ZDHHC11: variants seen among roughly 807,000 people sequenced by gnomAD.
ZDHHC11 encodes zDHHC palmitoyltransferase 11, also known as palmitoyltransferase ZDHHC11.
Under a neutral mutation model 51.3 loss-of-function variants are expected in ZDHHC11, and 44 were observed. The ratio of observed to expected loss-of-function variants is 0.86; its 90% CI spans 0.67 to 1.10. The LOEUF is 1.10. Among genes scored for constraint, ZDHHC11 ranks in the 50% least tolerant of loss-of-function variants. ZDHHC11 has a pLI of 0.00. For synonymous variants in ZDHHC11, 163 were observed against 222.0 expected (o/e 0.73, Z 2.36); for missense variants, 400 against 537.7 (o/e 0.74, Z 2.53).
At chr5:848,827 T>C (rs1467090943) in intron 1 of ZDHHC11, among the ~76,000 whole-genome samples, 167 bp from the exon 2 acceptor site, 1 of 151,342 alleles carries the variant, frequency 6.6e-6, no homozygotes, top group East Asian at 2.0e-4. Context: ...CACACAGCCC[T>C]GCACACCCAG....
intron 11 of ZDHHC11, among the ~76,000 whole-genome samples, chr5:805,961 G>C (rs1443057996): frequency 6.6e-6 from 1 of 151,110 alleles, no homozygotes; most frequent in African/African-American, 2.4e-5. Flanking sequence ...ACATGTTGCT[G>C]ACCCCACACA....
chr5:838,216 G>A (rs545626041), intron 5 of ZDHHC11, among the ~76,000 whole-genome samples: 16 of 152,100 alleles, frequency 1.1e-4, no homozygotes, highest in African/African-American at 3.8e-4. Context: ...GGCCTGTCCT[G>A]CAGGCAGCAA....
Position 825,102 on chromosome 5 carries a change from G to A in ZDHHC11, c.1023+62C>T, listed in dbSNP as rs1292163671. 5.0e-5 allele frequency: 76 copies of A among 1,530,584 alleles called. 1 individual carries two copies. The highest frequency in any genetic ancestry group is 1.7e-4 in the Middle Eastern group (1 of 5,930). The allele number at this position is 1,530,584 out of a possible 1,614,324, so 94.8% of individuals were successfully genotyped here. On this transcript the variant is annotated intron_variant, in intron 8 of 12. Transcript: ENST00000283441. ...GCCTTAACCTCAGCTTGGGGGACCCGAGACCACATATTCTGCACACGGCCC... is the reference window on the plus strand; with the variant it reads ...GCCTTAACCTCAGCTTGGGGGACCCAAGACCACATATTCTGCACACGGCCC...
At chr5:833,100 TA>T in intron 7 of ZDHHC11, among the ~76,000 whole-genome samples, 1 of 152,276 alleles carries the variant, frequency 6.6e-6, no homozygotes, top group East Asian at 1.9e-4. Flanking sequence ...TTTCTTTGAA[TA>T]AAACTAAGCA....
At chr5:828,407 A>C (rs1410045473) in intron 7 of ZDHHC11, among the ~76,000 whole-genome samples, 3 of 147,204 alleles carry the variant, frequency 2.0e-5, no homozygotes, top group African/African-American at 7.5e-5. Flanking sequence ...GGCCGGGTGG[A>C]GGTGCCCCCC....
chr5:819,594 G>C lies in ZDHHC11; in HGVS notation c.1077C>G (p.Ser359=), dbSNP rs530219074. Residue 359 remains serine, a synonymous_variant, in exon 10 of 13, where the codon TCC becomes TCG. Coordinates refer to ENST00000283441, the MANE Select transcript of ZDHHC11 (RefSeq NM_024786.3). ...GACACAGGCGCCTGCAAATCAGCCG[G>C]GAGTTCCTGGCCTTGGCTCTGGTGG... The part of the protein sequence containing the change: ...PSALGAKARN[S]RLICRRLCQF... 2.3e-5 allele frequency: 37 copies of C among 1,609,488 alleles called. 2 individuals are homozygous for C. The highest frequency in any genetic ancestry group is 3.1e-5 in the Non-Finnish European group (37 of 1,176,522).
intron 1 of ZDHHC11, among the ~76,000 whole-genome samples, chr5:857,481 G>A (rs1228699003): frequency 2.6e-5 from 4 of 152,162 alleles, no homozygotes; most frequent in African/African-American, 9.7e-5. Context: ...TATGACACCA[G>A]GCCCCCAGAG....
In ZDHHC11 at chr5:850,977, AC is replaced by A. The variant is rs1747139525; in HGVS notation, c.-376del. The A allele has an allele frequency of 3.1e-6, 1 of 317,612 alleles. No individual in the cohort carries two copies. The highest frequency in any genetic ancestry group is 4.5e-5 in the Admixed American group (1 of 22,144). 19.7% of individuals were successfully genotyped at this position (317,612 alleles called of 1,614,324 possible). ...CCCCCACACAGCGACAGGTCCCACA[AC>A]CCGTTCACGAATACACAGGCCCACC... is the stretch of plus-strand genomic sequence containing the variant. On this transcript the variant is annotated 5_prime_UTR_variant, in exon 1 of 13. Transcript: ENST00000283441.
intron 6 of ZDHHC11, 57 bp from the exon 7 acceptor site, chr5:833,864 A>T (rs1743397824): frequency 6.4e-7 from 1 of 1,569,428 alleles, no homozygotes; most frequent in African/African-American, 1.4e-5. Context: ...CATGCAGCTG[A>T]TTCTTACATA....
intron 7 of ZDHHC11, among the ~76,000 whole-genome samples, chr5:828,661 T>C (rs1004131179): frequency 5.9e-5 from 9 of 151,264 alleles, no homozygotes; most frequent in African/African-American, 2.2e-4. Context: ...ACTTGACAGA[T>C]ATTTACAGAA....
chr5:853,159 G>GC (rs1747545748), upstream of ZDHHC11, among the ~76,000 whole-genome samples: 1 of 146,930 alleles, frequency 6.8e-6, no homozygotes, highest in Admixed American at 6.8e-5. Flanking sequence ...CAGCGAGCCA[G>GC]GGAGACAGAC....
chr5:856,653 C>A (rs779452736), intron 1 of ZDHHC11, among the ~76,000 whole-genome samples: 1 of 151,528 alleles, frequency 6.6e-6, no homozygotes, highest in African/African-American at 2.4e-5. Context: ...ACACCACACA[C>A]TGCACGTGCA....
Position 816,635 on chromosome 5 carries a change from G to A in ZDHHC11, c.1147-1840C>T, listed in dbSNP as rs1740836153. 8.0e-6 allele frequency: 5 copies of A among 627,354 alleles called. 1 individual carries two copies. The Admixed American group carries it at 9.2e-5, about 12-fold the overall frequency. 38.9% of individuals were successfully genotyped at this position (627,354 alleles called of 1,614,324 possible). A position where few individuals can be genotyped will look rare whatever the true frequency, so the allele number is the denominator to read the frequency against. ...CTCCTGTTGCTTTGCCATAGTGGCT[G>A]TGATTTGGGATTATATGCATCCCTT... On this transcript the variant is annotated intron_variant, in intron 10 of 12. Coordinates refer to ENST00000283441, the MANE Select transcript of ZDHHC11 (RefSeq NM_024786.3).
At chr5:805,185 T>C (rs1464605084) in intron 11 of ZDHHC11, among the ~76,000 whole-genome samples, 1 of 151,494 alleles carries the variant, frequency 6.6e-6, no homozygotes, top group African/African-American at 2.4e-5. Flanking sequence ...ACTCCTGTAA[T>C]CCTAGCCTTT....
intron 10 of ZDHHC11, among the ~76,000 whole-genome samples, chr5:818,801 C>T (rs1385013335): frequency 1.3e-5 from 2 of 151,502 alleles, no homozygotes; most frequent in Non-Finnish European, 3.0e-5. Flanking sequence ...GTGGAGGCTG[C>T]AGTGAGCCAT....
intron 3 of ZDHHC11, among the ~76,000 whole-genome samples, chr5:843,940 GGGCATGCAGGGCAGGTGGGGGGTGCA>G (rs1395574845): frequency 2.7e-5 from 3 of 110,364 alleles, no homozygotes; most frequent in Non-Finnish European, 5.2e-5. Context: ...GCAGGGGCGG[GGGCATGCAGGGCAGGTGGGGGGTGCA>G]GAGGCAGGGG....
intron 8 of ZDHHC11, chr5:823,580 C>T (rs187641386): frequency 1.1e-4 from 19 of 165,232 alleles, no homozygotes; most frequent in East Asian, 7.4e-4. Flanking sequence ...GCCACGGACG[C>T]GGGTGTCAGT....
At chr5:799,404 C>A (rs1425162879) in intron 12 of ZDHHC11, among the ~76,000 whole-genome samples, 1 of 151,552 alleles carries the variant, frequency 6.6e-6, no homozygotes, top group East Asian at 1.9e-4. Flanking sequence ...AAGCCAAATA[C>A]ACGATTTTTC....
chr5:851,778 G>A (rs138808238), upstream of ZDHHC11, among the ~76,000 whole-genome samples: 611 of 152,246 alleles, frequency 4.0e-3, 3 homozygotes, highest in African/African-American at 0.014. Context: ...TTCTTTGGCC[G>A]GGCGCGGGGG....
Sources: allele counts gnomAD v4.1 joint callset (sites outside exome capture counted in the v4.1 genomes callset), GRCh38; gene constraint gnomAD v4.1.1; transcripts MANE v1.5; gene names NCBI Gene and HGNC (gene_info 2026-07-23, HGNC 2026-07-21).